The following ARFIP1 variants were observed in gnomAD, a reference collection of about 807,000 sequenced individuals.
ARFIP1 encodes the protein ARF interacting protein 1, also known as arfaptin-1.
ARFIP1 carries 24 observed loss-of-function variants against 42.5 expected under a neutral mutation model. The observed-to-expected ratio is 0.57, with a 90% CI of 0.41 to 0.80. The LOEUF is 0.80. Among genes scored for constraint, ARFIP1 ranks in the 30% least tolerant of loss-of-function variants. The pLI is 0.00. For missense variants in ARFIP1, 354 were observed against 434.0 expected (o/e 0.82, Z 1.64); for synonymous variants, 141 against 153.7 (o/e 0.92, Z 0.61).
In ARFIP1 at chr4:152,808,283, A is replaced by ATTTTTTTTTTTTTTTTTTTTTTT. The variant is rs61135783; in HGVS notation, c.-9-21330_-9-21308dup. 2.4e-3 allele frequency among the ~76,000 whole-genome samples: 48 copies of ATTTTTTTTTTTTTTTTTTTTTTT among 20,322 alleles called. 6 individuals are homozygous for ATTTTTTTTTTTTTTTTTTTTTTT. The highest frequency in any genetic ancestry group is 5.2e-3 in the Admixed American group (8 of 1,544). 13.3% of individuals were successfully genotyped at this position (20,322 alleles called of 152,430 possible). ...GTGTGAGCCACCACGCCTGGCCTCC[A>ATTTTTTTTTTTTTTTTTTTTTTT]TTTTTTTTTTTTTTTTTTTTTTTTT... is the stretch of plus-strand genomic sequence containing the variant. On this transcript the variant is annotated intron_variant, in intron 1 of 8. Coordinates refer to ENST00000353617, the MANE Select transcript of ARFIP1 (RefSeq NM_001025595.3).
intron 1 of ARFIP1, among the ~76,000 whole-genome samples, chr4:152,783,185 G>A (rs963471631): frequency 6.6e-6 from 1 of 152,038 alleles, no homozygotes; most frequent in African/African-American, 2.4e-5. Context: ...TTGCATGCCT[G>A]TAGTCCCAGC....
chr4:152,902,787 C>A (rs1737955176), intron 8 of ARFIP1, among the ~76,000 whole-genome samples: 1 of 152,166 alleles, frequency 6.6e-6, no homozygotes, highest in South Asian at 2.1e-4. Flanking sequence ...ATTTGAACTT[C>A]CTCTCACCTC....
chr4:152,877,000 C>T (rs113579906), intron 5 of ARFIP1, among the ~76,000 whole-genome samples: 100 of 152,212 alleles, frequency 6.6e-4, no homozygotes, highest in African/African-American at 2.3e-3. Flanking sequence ...GGTGCCCAGG[C>T]AGAAGTTTGC....
chr4:152,780,860 G>A lies in ARFIP1; in HGVS notation c.-10+634G>A, dbSNP rs766284370. Reference sequence around the variant, plus strand: ...TAAAAACAGTTTTTAGATGCTAGACGTTTTTCCCTTTTACTTTATTTTGTT... The same window carrying A: ...TAAAAACAGTTTTTAGATGCTAGACATTTTTCCCTTTTACTTTATTTTGTT... On this transcript the variant is annotated intron_variant, in intron 1 of 8. Coordinates refer to ENST00000353617, the MANE Select transcript of ARFIP1 (RefSeq NM_001025595.3). 3.3e-5 allele frequency among the ~76,000 whole-genome samples: 5 copies of A among 152,288 alleles called. No individual in the cohort carries two copies. The South Asian group carries it at 6.2e-4, about 19-fold the overall frequency.
chr4:152,804,220 A>AAC (rs1561108338), intron 1 of ARFIP1, among the ~76,000 whole-genome samples: 2 of 119,364 alleles, frequency 1.7e-5, no homozygotes, highest in East Asian at 2.2e-4. Context: ...TATTATATAT[A>AAC]ATATAACATG....
chr4:152,792,401 T>G (rs1174761016), intron 1 of ARFIP1, among the ~76,000 whole-genome samples: 1 of 139,354 alleles, frequency 7.2e-6, no homozygotes, highest in African/African-American at 2.8e-5. Context: ...AGATTCTATA[T>G]TTAGTGAAAA....
At chr4:152,810,276 T>G (rs920274699) in intron 1 of ARFIP1, 6 of 152,230 alleles carry the variant, frequency 3.9e-5, no homozygotes, top group African/African-American at 1.4e-4. Context: ...AAAAGCTGAT[T>G]GGTAAATTTT....
At chr4:152,879,358 TAA>T (rs1028311518) in intron 5 of ARFIP1, among the ~76,000 whole-genome samples, 2 of 152,214 alleles carry the variant, frequency 1.3e-5, no homozygotes, top group Non-Finnish European at 2.9e-5. Context: ...ATGTTTACTC[TAA>T]AAATATCTGA....
At chr4:152,823,219 A>G (rs1423689706) in intron 1 of ARFIP1, among the ~76,000 whole-genome samples, 2 of 152,188 alleles carry the variant, frequency 1.3e-5, no homozygotes, top group Non-Finnish European at 2.9e-5. Context: ...AGACATTACA[A>G]CTGCTACCAC....
chr4:152,796,201 A>G, intron 1 of ARFIP1: 1 of 792,714 alleles, frequency 1.3e-6, no homozygotes, highest in Non-Finnish European at 2.2e-6. Flanking sequence ...AGTCTTTAGT[A>G]ATAACACCCA....
intron 2 of ARFIP1, among the ~76,000 whole-genome samples, chr4:152,834,009 C>G (rs1731450796): frequency 6.6e-6 from 1 of 152,146 alleles, no homozygotes; most frequent in South Asian, 2.1e-4. Flanking sequence ...CTGGTGGGGC[C>G]TCAGGGAGCT....
At chr4:152,824,069 T>A (rs970307246) in intron 1 of ARFIP1, among the ~76,000 whole-genome samples, 8 of 152,038 alleles carry the variant, frequency 5.3e-5, no homozygotes, top group Admixed American at 1.3e-4. Flanking sequence ...TCCTAGCACT[T>A]TGGGAGGCCA....
intron 1 of ARFIP1, among the ~76,000 whole-genome samples, chr4:152,804,136 A>AATATAAGATGTATTATATATTATATATT (rs1728692473): frequency 3.3e-5 from 4 of 121,866 alleles, no homozygotes; most frequent in African/African-American, 1.3e-4. Context: ...TATTATATAT[A>AATATAAGATGTATTATATATTATATATT]ATATAACATG....
At chr4:152,835,277 T>TCC (rs1434496518) in intron 2 of ARFIP1, among the ~76,000 whole-genome samples, 7 of 152,250 alleles carry the variant, frequency 4.6e-5, no homozygotes, top group African/African-American at 1.7e-4. Flanking sequence ...TTATTTGCTC[T>TCC]CATATCCAAT....
intron 2 of ARFIP1, among the ~76,000 whole-genome samples, chr4:152,861,616 T>A (rs1561149621): frequency 1.3e-5 from 2 of 152,202 alleles, no homozygotes; most frequent in Non-Finnish European, 2.9e-5. Flanking sequence ...ACATGTCACT[T>A]AACTTGTCCT....
At chr4:152,820,070 G>C (rs1377359354) in intron 1 of ARFIP1, among the ~76,000 whole-genome samples, 3 of 152,122 alleles carry the variant, frequency 2.0e-5, no homozygotes, top group African/African-American at 7.2e-5. Context: ...ACTGGGTCAA[G>C]AGTGTGATTG....
At chr4:152,851,060 T>C (rs927878843) in intron 2 of ARFIP1, among the ~76,000 whole-genome samples, 1 of 152,230 alleles carries the variant, frequency 6.6e-6, no homozygotes, top group Admixed American at 6.5e-5. Context: ...AAATTTATTA[T>C]GTAGATGCTT....
chr4:152,905,555 T>TTTTTTTTTTTG (rs1738270551), intron 8 of ARFIP1, among the ~76,000 whole-genome samples: 4 of 115,650 alleles, frequency 3.5e-5, no homozygotes, highest in African/African-American at 6.5e-5. Flanking sequence ...GTTTTTTTTT[T>TTTTTTTTTTTG]TTTTTTTTTT....
chr4:152,884,060 A>C (rs1298715802), intron 7 of ARFIP1, among the ~76,000 whole-genome samples: 1 of 152,002 alleles, frequency 6.6e-6, no homozygotes, highest in South Asian at 2.1e-4. Flanking sequence ...TAAAAGCCCA[A>C]ATCATTTTGA....
Sources: gnomAD v4.1 joint callset for allele counts (sites outside exome capture counted in the v4.1 genomes callset) on GRCh38, gnomAD v4.1.1 for gene constraint, MANE v1.5 for transcripts, NCBI Gene and HGNC (gene_info 2026-07-23, HGNC 2026-07-21) for gene names.